KIF2C: variants seen among roughly 807,000 people sequenced by gnomAD.
KIF2C encodes the protein kinesin-like protein KIF2C.
In KIF2C, 34 loss-of-function variants were observed where a neutral mutation model predicts 97.4. The ratio of observed to expected loss-of-function variants is 0.35; its 90% confidence interval spans 0.27 to 0.46. The LOEUF is 0.46. Among genes scored for constraint, KIF2C ranks in the 20% least tolerant of loss-of-function variants. The pLI, the probability that KIF2C is intolerant of heterozygous loss-of-function variation, is 1.00. For synonymous variants in KIF2C, 313 were observed against 318.2 expected (o/e 0.98, Z 0.17); for missense variants, 750 against 907.6 (o/e 0.83, Z 2.23).
At chr1:44,747,567 C>T (rs920429023) in intron 3 of KIF2C, 82 bp downstream of exon 3, 1 of 1,561,984 alleles carries the variant, frequency 6.4e-7, no homozygotes, top group South Asian at 1.1e-5. Flanking sequence ...GATTGTCTGG[C>T]ATTTTAGCAT....
intron 2 of KIF2C, among the ~76,000 whole-genome samples, chr1:44,745,551 G>A (rs571626205): frequency 1.6e-5 from 2 of 127,440 alleles, no homozygotes; most frequent in South Asian, 2.5e-4. Context: ...TTGGCTTACT[G>A]CAACCTCCGC....
chr1:44,746,489 C>T, intron 2 of KIF2C: 1 of 1,252,674 alleles, frequency 8.0e-7, no homozygotes, highest in Non-Finnish European at 1.0e-6. Flanking sequence ...AGGAACTTGC[C>T]CCTGCCCATA....
Position 44,750,425 on chromosome 1 carries a change from TG to T in KIF2C, c.317-16del. The T allele has an allele frequency of 7.0e-7, 1 of 1,429,442 alleles. No individual in the cohort carries two copies. Among genetic ancestry groups the T allele is most frequent in the Non-Finnish European group, 9.3e-7 (1 of 1,080,356 alleles). 88.5% of individuals were successfully genotyped at this position (1,429,442 alleles called of 1,614,324 possible). ...AGATCGTGCAGCACTGACTGGCTAC[TG>T]CTCTCGGTTCTCCAGGTCTTCGAAG... On this transcript the variant is annotated splice_polypyrimidine_tract_variant and intron_variant, in intron 4 of 20. Coordinates refer to ENST00000372224, the MANE Select transcript of KIF2C (RefSeq NM_006845.4).
At position 44,759,306 on chromosome 1, in the gene KIF2C, C is replaced by T; in HGVS notation, c.1325C>T (p.Ala442Val). 5 of 1,614,182 alleles carry T rather than the reference C, an allele frequency of 3.1e-6. No individual in the cohort carries two copies. Among genetic ancestry groups the T allele is most frequent in the Non-Finnish European group, 4.2e-6 (5 of 1,180,036 alleles). Residue 442 changes from alanine (A) to valine (V), a missense_variant, in exon 14 of 21, where the codon GCT becomes GTT. Ala to Val is a moderately conservative substitution (Grantham distance 64, BLOSUM62 0). Transcript: ENST00000372224. ...VGLQEHLVNSADDVIKMIDMG... is the reference protein window; with the variant it reads ...VGLQEHLVNSVDDVIKMIDMG... ...CTGCAGGAGCATCTGGTTAACTCTG[C>T]TGATGATGTCATCAAGATGATCGAC...
chr1:44,755,997 A>G lies in KIF2C; in HGVS notation c.814+14A>G, dbSNP rs748238070. On this transcript the variant is annotated intron_variant, in intron 9 of 20. Coordinates refer to ENST00000372224, the MANE Select transcript of KIF2C (RefSeq NM_006845.4). The stretch of plus-strand genomic sequence containing the variant: ...TGAATAAGCAAGGTAAGTCCTGTTC[A>G]GTCAGGAAGAGGCTTCAGACTGACT... 6.2e-7 allele frequency: 1 copy of G among 1,614,114 alleles called. No homozygotes were observed. The highest frequency in any genetic ancestry group is 1.7e-5 in the Admixed American group (1 of 60,022).
chr1:44,751,352 C>T (rs1369674186), intron 5 of KIF2C, among the ~76,000 whole-genome samples: 4 of 152,002 alleles, frequency 2.6e-5, no homozygotes, highest in African/African-American at 9.6e-5. Context: ...TGTGCCACCA[C>T]GCCCGGCTAA....
At chr1:44,753,026 C>G in intron 5 of KIF2C, 106 bp from the exon 6 acceptor site, 2 of 1,368,788 alleles carry the variant, frequency 1.5e-6, no homozygotes, top group Non-Finnish European at 2.0e-6. Context: ...GTAAGCCTTA[C>G]CGAGCAGGCA....
At chr1:44,758,603 G>A (rs905595812) in intron 13 of KIF2C, among the ~76,000 whole-genome samples, 2 of 152,110 alleles carry the variant, frequency 1.3e-5, no homozygotes, top group Non-Finnish European at 2.9e-5. Flanking sequence ...GGCCAGGCGT[G>A]ATGGCTCACA....
At position 44,750,464 on chromosome 1, in the gene KIF2C, C is replaced by T. The variant is rs1436129357; in HGVS notation, c.339C>T (p.Arg113=). 6.4e-7 allele frequency: 1 copy of T among 1,555,786 alleles called. No individual in the cohort carries two copies. Among genetic ancestry groups the T allele is most frequent in the African/African-American group, 1.4e-5 (1 of 72,920 alleles). ...PKESLRSRST[R]MSTVSELRIT... ...CAGGTCTTCGAAGCCGCTCCACTCG[C>T]ATGTCCACTGTCTCAGAGCTTCGCA... The change falls in exon 5 of 21, where the codon CGC becomes CGT. Residue 113 remains arginine, a synonymous_variant. Coordinates refer to ENST00000372224, the MANE Select transcript of KIF2C (RefSeq NM_006845.4).
chr1:44,757,122 G>A (rs1487801975), intron 10 of KIF2C, among the ~76,000 whole-genome samples: 12 of 151,846 alleles, frequency 7.9e-5, no homozygotes, highest in Admixed American at 7.9e-4. Flanking sequence ...TCACCATGTT[G>A]GTCAGGCTGG....
Position 44,756,978 on chromosome 1 carries a change from C to T in KIF2C, c.978-578C>T, listed in dbSNP as rs147943051. ...AGTTGCCCAGGCTGGAGTGCAGTGG[C>T]GAGATCTCAGCTCACTGCAACCCCC... On this transcript the variant is annotated intron_variant, in intron 10 of 20. Coordinates refer to ENST00000372224, the MANE Select transcript of KIF2C (RefSeq NM_006845.4). 6.2e-3 allele frequency among the ~76,000 whole-genome samples: 940 copies of T among 151,926 alleles called. 8 individuals are homozygous for T. The highest frequency in any genetic ancestry group is 0.021 in the African/African-American group (887 of 41,420).
At position 44,753,224 on chromosome 1, in the gene KIF2C, G is replaced by A; in HGVS notation, c.532G>A (p.Gly178Ser). Reference sequence around the variant, plus strand: ...GGAAGAGCAAGTCCATTCCATCCGAGGCAGCTCTTCTGCAAACCCTGTGAA... The same window carrying A: ...GGAAGAGCAAGTCCATTCCATCCGAAGCAGCTCTTCTGCAAACCCTGTGAA... ...EMEEQVHSIR[G>S]SSSANPVNSV... Residue 178 changes from glycine to serine, a missense_variant, in exon 6 of 21, where the codon GGC (glycine) becomes AGC (serine). Coordinates refer to ENST00000372224, the MANE Select transcript of KIF2C (RefSeq NM_006845.4). 1 of 1,613,778 alleles carries A rather than the reference G, an allele frequency of 6.2e-7. No individual in the cohort carries two copies. Among genetic ancestry groups the A allele is most frequent in the Non-Finnish European group, 8.5e-7 (1 of 1,179,758 alleles).
intron 19 of KIF2C, among the ~76,000 whole-genome samples, chr1:44,765,405 A>G (rs1282948400): frequency 6.6e-6 from 1 of 152,242 alleles, no homozygotes; most frequent in African/African-American, 2.4e-5. Context: ...TCATGTATAC[A>G]TATGTAACAA....
At chr1:44,753,695 G>C (rs1274173867) in intron 6 of KIF2C, 38 bp from the exon 7 acceptor site, 4 of 1,448,606 alleles carry the variant, frequency 2.8e-6, no homozygotes, top group Non-Finnish European at 3.8e-6. Context: ...AACAGAGTGG[G>C]CTTCCTTTTT....
intron 10 of KIF2C, 23 bp from the exon 11 acceptor site, chr1:44,757,533 C>T (rs1447671760): frequency 2.0e-6 from 3 of 1,511,802 alleles, no homozygotes; most frequent in East Asian, 4.5e-5. Flanking sequence ...GGAACAGATA[C>T]AAATACTCTA....
At chr1:44,753,365 G>GT in intron 6 of KIF2C, 111 bp downstream of exon 6, 1 of 1,205,986 alleles carries the variant, frequency 8.3e-7, no homozygotes, top group South Asian at 1.6e-5. Context: ...TGTTTGTCAC[G>GT]TGGGGGCATG....
At chr1:44,741,769 G>A (rs907651649) in intron 2 of KIF2C, among the ~76,000 whole-genome samples, 2 of 151,742 alleles carry the variant, frequency 1.3e-5, no homozygotes, top group South Asian at 2.1e-4. Flanking sequence ...TGGGCAGATC[G>A]CTTTGAGCTC....
In KIF2C at chr1:44,750,490, T is replaced by A. The variant is rs778685962; in HGVS notation, c.365T>A (p.Ile122Asn). 6.3e-7 allele frequency: 1 copy of A among 1,593,706 alleles called. No homozygotes were observed. The highest frequency in any genetic ancestry group is 1.1e-5 in the South Asian group (1 of 88,736). Reference sequence around the variant, plus strand: ...ATGTCCACTGTCTCAGAGCTTCGCATCACGGCTCAGGAGAATGACATGGAG... The same window carrying A: ...ATGTCCACTGTCTCAGAGCTTCGCAACACGGCTCAGGAGAATGACATGGAG... Reference protein sequence around the residue: ...TRMSTVSELRITAQENDMEVE... With the variant: ...TRMSTVSELRNTAQENDMEVE... Residue 122 changes from isoleucine to asparagine, a missense_variant, in exon 5 of 21, where the codon ATC (isoleucine) becomes AAC (asparagine). Coordinates refer to ENST00000372224, the MANE Select transcript of KIF2C (RefSeq NM_006845.4).
rs1650235329 is a variant in KIF2C at position 44,762,752 on chromosome 1, C to T, written c.1971+94C>T. Reference sequence around the variant, plus strand: ...GAACATGACCTGGGCCTTGTTCCCACAGGTATTCACATAGCAAGAAGCAGC... The same window carrying T: ...GAACATGACCTGGGCCTTGTTCCCATAGGTATTCACATAGCAAGAAGCAGC... On this transcript the variant is annotated intron_variant, in intron 19 of 20. Transcript: ENST00000372224. The T allele has an allele frequency of 9.0e-6, 7 of 776,016 alleles. No homozygotes were observed. The South Asian group carries it at 1.0e-4, about 11-fold the overall frequency. The allele number at this position is 776,016 out of a possible 1,614,324, so 48.1% of individuals were successfully genotyped here.
Sources: allele counts gnomAD v4.1 joint callset (sites outside exome capture counted in the v4.1 genomes callset), GRCh38; gene constraint gnomAD v4.1.1; transcripts MANE v1.5; gene names NCBI Gene and HGNC (gene_info 2026-07-23, HGNC 2026-07-21).